The following LRP1B variants were observed in gnomAD, a reference collection of about 807,000 sequenced individuals.
LRP1B encodes LDL receptor related protein 1B.
A neutral mutation model predicts 556.6 loss-of-function variants in LRP1B; 217 were observed. That is an observed-to-expected ratio of 0.39 (90% confidence interval 0.35 to 0.44). The LOEUF (loss-of-function observed/expected upper bound fraction) is 0.44. Ranked by LOEUF, LRP1B falls within the 20% of genes least tolerant of loss-of-function variation. The probability of loss-of-function intolerance (pLI) is 1.00; values close to 1 mark genes in which losing one functional copy is unlikely to be tolerated. For synonymous variants in LRP1B, 2,047 were observed against 1,865.8 expected, an observed-to-expected ratio of 1.10 and a Z score of -2.50; for missense variants, 5,053 against 5,620.8, an observed-to-expected ratio of 0.90 and a Z score of 3.23.
chr2:142,073,782 G>C (rs1029408992), intron 1 of LRP1B, among the ~76,000 whole-genome samples: 3 of 151,916 alleles, frequency 2.0e-5, no homozygotes, highest in African/African-American at 7.3e-5. Context: ...TCCTGATAGA[G>C]TTCTCATGAG....
intron 2 of LRP1B, among the ~76,000 whole-genome samples, chr2:141,553,616 C>A (rs1340694611): frequency 6.8e-6 from 1 of 146,180 alleles, no homozygotes; most frequent in Non-Finnish European, 1.5e-5. Context: ...AAAAAACTAT[C>A]TTTAAAAACA....
At chr2:141,346,340 T>G (rs1353282375) in intron 3 of LRP1B, among the ~76,000 whole-genome samples, 1 of 152,114 alleles carries the variant, frequency 6.6e-6, no homozygotes, top group African/African-American at 2.4e-5. Context: ...TATAGGGAGA[T>G]CTTTACAAGG....
chr2:141,158,470 A>G (rs909632296), intron 7 of LRP1B, among the ~76,000 whole-genome samples: 3 of 152,170 alleles, frequency 2.0e-5, no homozygotes, highest in Non-Finnish European at 4.4e-5. Context: ...AGAAAGCAGC[A>G]CTACTGGCAC....
chr2:141,784,341 T>G (rs1354760476), intron 2 of LRP1B, among the ~76,000 whole-genome samples: 1 of 151,966 alleles, frequency 6.6e-6, no homozygotes, highest in African/African-American at 2.4e-5. Flanking sequence ...TAAGTTTTCT[T>G]TGCGTAGGAT....
intron 2 of LRP1B, among the ~76,000 whole-genome samples, chr2:141,674,955 A>G (rs1028076663): frequency 1.1e-4 from 16 of 152,058 alleles, no homozygotes; most frequent in Non-Finnish European, 1.2e-4. Flanking sequence ...GGCTACTATT[A>G]ACATTTTGTT....
At chr2:140,324,385 G>C (rs1391420751) in intron 80 of LRP1B, among the ~76,000 whole-genome samples, 2 of 151,954 alleles carry the variant, frequency 1.3e-5, no homozygotes, top group Non-Finnish European at 2.9e-5. Flanking sequence ...CAAAAGAAAA[G>C]CCAATGTTAT....
At chr2:141,844,763 T>C (rs1055399934) in intron 1 of LRP1B, among the ~76,000 whole-genome samples, 2 of 151,792 alleles carry the variant, frequency 1.3e-5, no homozygotes, top group Non-Finnish European at 2.9e-5. Context: ...AGTTATATAG[T>C]TAAATTTGAA....
At chr2:141,479,829 T>A (rs1019005513) in intron 3 of LRP1B, among the ~76,000 whole-genome samples, 2 of 152,156 alleles carry the variant, frequency 1.3e-5, no homozygotes, top group African/African-American at 4.8e-5. Context: ...TTAATTATTA[T>A]CCCTCATATC....
At chr2:140,261,049 A>ATG (rs200284362) in intron 86 of LRP1B, among the ~76,000 whole-genome samples, 9,794 of 112,766 alleles carry the variant, frequency 0.087, 453 homozygotes, top group Non-Finnish European at 0.12. Context: ...ATATATATAT[A>ATG]TGTGTGTGTA....
chr2:142,081,516 G>C (rs1334468902), intron 1 of LRP1B, among the ~76,000 whole-genome samples: 3 of 152,104 alleles, frequency 2.0e-5, no homozygotes, highest in Non-Finnish European at 4.4e-5. Context: ...GTAGAAAAGA[G>C]GCGTGGATGA....
intron 2 of LRP1B, among the ~76,000 whole-genome samples, chr2:141,680,341 T>C (rs1236153418): frequency 6.6e-6 from 1 of 152,068 alleles, no homozygotes. Flanking sequence ...AAAACTAGAA[T>C]ATGTCTGGAT....
intron 89 of LRP1B, 71 bp from the exon 90 acceptor site, chr2:140,234,955 G>C: frequency 4.4e-6 from 3 of 676,856 alleles, no homozygotes; most frequent in Non-Finnish European, 8.2e-6. Flanking sequence ...TACATATCAT[G>C]TTAATTCATA....
At chr2:141,949,829 G>C (rs1242525825) in intron 1 of LRP1B, among the ~76,000 whole-genome samples, 2 of 151,812 alleles carry the variant, frequency 1.3e-5, no homozygotes, top group Non-Finnish European at 2.9e-5. Context: ...TATCTTTCAA[G>C]TTCTCTAATA....
At position 141,544,316 on chromosome 2, in the gene LRP1B, C is replaced by CTTCTTCTTCTTCTTCTTCTTCTTCTT. The variant is rs745821589; in HGVS notation, c.206-63809_206-63784dup. Among the ~76,000 whole-genome samples the CTTCTTCTTCTTCTTCTTCTTCTTCTT allele has an allele frequency of 3.5e-3, 120 of 34,544 alleles. 5 individuals carry two copies. Among genetic ancestry groups the CTTCTTCTTCTTCTTCTTCTTCTTCTT allele is most frequent in the South Asian group, 6.7e-3 (3 of 448 alleles). The allele number at this position is 34,544 out of a possible 152,430, so 22.7% of individuals were successfully genotyped here. On this transcript the variant is annotated intron_variant, in intron 2 of 90. Coordinates refer to ENST00000389484, the MANE Select transcript of LRP1B (RefSeq NM_018557.3). The stretch of plus-strand genomic sequence containing the variant: ...TACCACTCTTCTTCTTCTTCTTCTT[C>CTTCTTCTTCTTCTTCTTCTTCTTCTT]TTCTTCTTCTTCTTCTTCTTCTTCT...
intron 57 of LRP1B, 136 bp from the exon 58 acceptor site, chr2:140,487,875 G>C: frequency 2.0e-6 from 1 of 496,896 alleles, no homozygotes; most frequent in Non-Finnish European, 3.4e-6. Flanking sequence ...TTTGCTACCA[G>C]TTCTCATTAA....
At chr2:140,498,203 T>C (rs1422050280) in intron 55 of LRP1B, among the ~76,000 whole-genome samples, 1 of 151,928 alleles carries the variant, frequency 6.6e-6, no homozygotes, top group African/African-American at 2.4e-5. Flanking sequence ...TTAATTTTTC[T>C]CACCATTCCA....
chr2:141,770,418 C>T (rs900525499), intron 2 of LRP1B, among the ~76,000 whole-genome samples: 2 of 152,162 alleles, frequency 1.3e-5, no homozygotes, highest in Non-Finnish European at 2.9e-5. Flanking sequence ...AAATGTCATG[C>T]TCCCCATGAG....
intron 1 of LRP1B, among the ~76,000 whole-genome samples, chr2:141,853,896 A>C (rs1697951941): frequency 6.6e-6 from 1 of 152,010 alleles, no homozygotes; most frequent in Admixed American, 6.6e-5. Flanking sequence ...ATTTTATGAT[A>C]TATTTGTTGT....
chr2:141,453,259 A>G (rs955886265), intron 3 of LRP1B, among the ~76,000 whole-genome samples: 10 of 152,072 alleles, frequency 6.6e-5, no homozygotes, highest in Non-Finnish European at 1.3e-4. Context: ...AATACACAAA[A>G]TAACAATGTC....
Sources: gnomAD v4.1 joint callset for allele counts (sites outside exome capture counted in the v4.1 genomes callset) on GRCh38, gnomAD v4.1.1 for gene constraint, MANE v1.5 for transcripts, NCBI Gene and HGNC (gene_info 2026-07-23, HGNC 2026-07-21) for gene names.